CYP7B1: variants seen among roughly 807,000 people sequenced by gnomAD.
The protein encoded by CYP7B1 is cytochrome P450 family 7 subfamily B member 1.
CYP7B1 carries 29 observed loss-of-function variants against 42.7 expected under a neutral mutation model. The ratio of observed to expected loss-of-function variants is 0.68; its 90% confidence interval spans 0.51 to 0.93. The LOEUF is 0.93. CYP7B1 is among the 40% of genes least tolerant of loss of function. The pLI is 0.00. For synonymous variants in CYP7B1, 235 were observed against 218.2 expected (o/e 1.08, Z -0.68); for missense variants, 655 against 600.5 (o/e 1.09, Z -0.95).
chr8:64,589,381 G>T (rs918661423), downstream of CYP7B1, among the ~76,000 whole-genome samples: 2 of 151,894 alleles, frequency 1.3e-5, no homozygotes, highest in African/African-American at 4.8e-5. Context: ...AAAATAAAAA[G>T]TTTTTTTTAA....
intron 1 of CYP7B1, among the ~76,000 whole-genome samples, chr8:64,625,060 G>A (rs1585814791): frequency 7.5e-6 from 1 of 133,256 alleles, no homozygotes; most frequent in Non-Finnish European, 1.5e-5. Context: ...TGCAAGCTGC[G>A]CCTCCCGGGT....
In CYP7B1 at chr8:64,616,235, C is replaced by T. The variant is rs1313924998; in HGVS notation, c.306G>A (p.Val102=). 1.2e-6 allele frequency: 2 copies of T among 1,607,646 alleles called. No homozygotes were observed. The highest frequency in any genetic ancestry group is 2.7e-5 in the African/African-American group (2 of 74,234). ...AGCTTAATTGTTTATGATTTTTTAT[C>T]ACTAGCTGGTACTGGAAGGGGTCCA... is the stretch of plus-strand genomic sequence containing the variant. ...FILDPFQYQL[V]IKNHKQLSFR... The change falls in exon 3 of 6, where the codon GTG becomes GTA. Residue 102 remains valine, a synonymous_variant. Transcript: ENST00000310193.
At chr8:64,632,646 T>C (rs1805713995) in intron 1 of CYP7B1, among the ~76,000 whole-genome samples, 1 of 152,058 alleles carries the variant, frequency 6.6e-6, no homozygotes, top group Admixed American at 6.6e-5. Flanking sequence ...CCAGCACCCA[T>C]TCATGATAAA....
At chr8:64,783,464 T>G (rs1401668138) in intron 1 of CYP7B1, among the ~76,000 whole-genome samples, 1 of 152,078 alleles carries the variant, frequency 6.6e-6, no homozygotes, top group Non-Finnish European at 1.5e-5. Context: ...TTCTTACCAA[T>G]TACAGCATTG....
At chr8:64,755,731 C>T (rs1585896504) in intron 1 of CYP7B1, among the ~76,000 whole-genome samples, 2 of 151,976 alleles carry the variant, frequency 1.3e-5, no homozygotes, top group East Asian at 1.9e-4. Flanking sequence ...GGTATTTATA[C>T]AACAAGAGGG....
intron 1 of CYP7B1, among the ~76,000 whole-genome samples, chr8:64,745,073 C>T (rs1807623686): frequency 6.6e-6 from 1 of 152,058 alleles, no homozygotes; most frequent in African/African-American, 2.4e-5. Context: ...ATACTAATTC[C>T]TTCATTTAGT....
intron 1 of CYP7B1, among the ~76,000 whole-genome samples, chr8:64,769,219 A>G (rs1804171178): frequency 6.6e-6 from 1 of 152,218 alleles, no homozygotes; most frequent in Non-Finnish European, 1.5e-5. Flanking sequence ...AATAAGATCT[A>G]TGGAACGGGA....
chr8:64,610,126 A>G (rs1242339799), intron 4 of CYP7B1, among the ~76,000 whole-genome samples: 1 of 152,220 alleles, frequency 6.6e-6, no homozygotes, highest in Non-Finnish European at 1.5e-5. Context: ...TCTAAATACA[A>G]TAATTTGCAT....
intron 1 of CYP7B1, among the ~76,000 whole-genome samples, chr8:64,678,473 T>A (rs553398697): frequency 6.6e-6 from 1 of 152,246 alleles, no homozygotes; most frequent in Admixed American, 6.5e-5. Context: ...CCTCCTACTG[T>A]GACAACAAAA....
At chr8:64,708,659 T>C (rs1807035218) in intron 1 of CYP7B1, among the ~76,000 whole-genome samples, 1 of 152,196 alleles carries the variant, frequency 6.6e-6, no homozygotes, top group Admixed American at 6.5e-5. Flanking sequence ...ATTGCTTTTC[T>C]GAATTAATGT....
Position 64,719,935 on chromosome 8 carries a change from T to C in CYP7B1, c.122+78531A>G, listed in dbSNP as rs372340484. ...GACTTTAACTCTGGGTCCCTTCCCA[T>C]GTCTTTTTGGAGGCTTTAGAAACAG... On this transcript the variant is annotated intron_variant, in intron 1 of 5. Coordinates refer to ENST00000310193, the MANE Select transcript of CYP7B1 (RefSeq NM_004820.5). 3.3e-5 allele frequency among the ~76,000 whole-genome samples: 5 copies of C among 152,200 alleles called. No individual in the cohort carries two copies. The East Asian group carries it at 7.7e-4, about 23-fold the overall frequency.
At chr8:64,586,702 C>T (rs1470617059), downstream of CYP7B1, among the ~76,000 whole-genome samples, 7 of 152,214 alleles carry the variant, frequency 4.6e-5, no homozygotes, top group Admixed American at 4.6e-4. Flanking sequence ...CTATCAGAAA[C>T]ATGAATAGGT....
chr8:64,598,934 A>T (rs1254716062), intron 5 of CYP7B1, among the ~76,000 whole-genome samples: 2 of 152,228 alleles, frequency 1.3e-5, no homozygotes, highest in African/African-American at 4.8e-5. Flanking sequence ...ATATATTTTT[A>T]GTTAAAATTT....
chr8:64,643,192 T>TATATACATATATATACATATATATACAC (rs1563374454), intron 1 of CYP7B1, among the ~76,000 whole-genome samples: 54 of 115,202 alleles, frequency 4.7e-4, no homozygotes, highest in African/African-American at 1.5e-3. Flanking sequence ...CATATATATA[T>TATATACATATATATACATATATATACAC]ACACACACAC....
downstream of CYP7B1, among the ~76,000 whole-genome samples, chr8:64,589,382 T>A (rs1338694177): frequency 6.6e-6 from 1 of 152,086 alleles, no homozygotes; most frequent in Non-Finnish European, 1.5e-5. Flanking sequence ...AAATAAAAAG[T>A]TTTTTTTAAA....
In CYP7B1 at chr8:64,703,393, C is replaced by T. The variant is rs374778820; in HGVS notation, c.123-78854G>A. On this transcript the variant is annotated intron_variant, in intron 1 of 5. Coordinates refer to ENST00000310193, the MANE Select transcript of CYP7B1 (RefSeq NM_004820.5). ...ATGATATTCTACTCTTCTTATAAAA[C>T]TGTCTGGCTCTTACATGCTTGGTTT... Among the ~76,000 whole-genome samples, 4 of 152,008 alleles carry T rather than the reference C, an allele frequency of 2.6e-5. 1 individual carries two copies. The East Asian group carries it at 7.7e-4, about 29-fold the overall frequency.
intron 1 of CYP7B1, among the ~76,000 whole-genome samples, chr8:64,783,153 T>C (rs1804459154): frequency 6.6e-6 from 1 of 152,172 alleles, no homozygotes; most frequent in Non-Finnish European, 1.5e-5. Flanking sequence ...ATCCTTTTCC[T>C]ATATTTTATT....
intron 1 of CYP7B1, among the ~76,000 whole-genome samples, chr8:64,778,811 C>A (rs1457848663): frequency 6.6e-6 from 1 of 152,080 alleles, no homozygotes; most frequent in African/African-American, 2.4e-5. Context: ...TCCTGCTTTC[C>A]ATTGCATCTG....
intron 1 of CYP7B1, among the ~76,000 whole-genome samples, chr8:64,636,169 A>G (rs943889422): frequency 6.6e-6 from 1 of 152,090 alleles, no homozygotes; most frequent in African/African-American, 2.4e-5. Context: ...TAGGGTTCTA[A>G]CCCTCATCCT....
Sources: gnomAD v4.1 joint callset for allele counts (sites outside exome capture counted in the v4.1 genomes callset) on GRCh38, gnomAD v4.1.1 for gene constraint, MANE v1.5 for transcripts, NCBI Gene and HGNC (gene_info 2026-07-23, HGNC 2026-07-21) for gene names.